The following ATXN2 variants were observed in gnomAD, a reference collection of about 807,000 sequenced individuals.
The protein encoded by ATXN2 is ataxin 2.
In ATXN2, 37 loss-of-function variants were observed where a neutral mutation model predicts 138.6. The ratio of observed to expected loss-of-function variants is 0.27; its 90% CI spans 0.21 to 0.35. The LOEUF is 0.35. Among genes scored for constraint, ATXN2 ranks in the 10% least tolerant of loss-of-function variants. The pLI, the probability that ATXN2 is intolerant of heterozygous loss-of-function variation, is 1.00. For missense variants in ATXN2, 1,216 were observed against 1,480.3 expected (o/e 0.82, Z 2.93); for synonymous variants, 549 against 543.7 (o/e 1.01, Z -0.13).
intron 14 of ATXN2, among the ~76,000 whole-genome samples, chr12:111,508,509 T>C (rs948400498): frequency 3.6e-5 from 5 of 140,670 alleles, no homozygotes; most frequent in Non-Finnish European, 7.6e-5. Context: ...TGGAGTGGTG[T>C]GATCTCGGCT....
At chr12:111,592,233 T>C (rs1371634216) in intron 1 of ATXN2, among the ~76,000 whole-genome samples, 2 of 151,202 alleles carry the variant, frequency 1.3e-5, no homozygotes, top group East Asian at 2.0e-4. Flanking sequence ...CTACTAAAAA[T>C]GCAAAACTTA....
intron 5 of ATXN2, among the ~76,000 whole-genome samples, chr12:111,536,387 C>T (rs1881177367): frequency 6.6e-6 from 1 of 152,062 alleles, no homozygotes; most frequent in Non-Finnish European, 1.5e-5. Flanking sequence ...AAAAAATCTA[C>T]AGTGAGATAC....
chr12:111,590,024 ACATGGTGAAACCC>A (rs1884574542), intron 1 of ATXN2, among the ~76,000 whole-genome samples: 1 of 151,336 alleles, frequency 6.6e-6, no homozygotes, highest in Admixed American at 6.6e-5. Flanking sequence ...AGCCTGGCCA[ACATGGTGAAACCC>A]CATCTCTACT....
chr12:111,503,879 C>T (rs771671274), intron 14 of ATXN2, among the ~76,000 whole-genome samples: 13 of 152,130 alleles, frequency 8.5e-5, no homozygotes, highest in Non-Finnish European at 1.9e-4. Context: ...TATCAGCCAC[C>T]GTGCCCGGCC....
intron 5 of ATXN2, among the ~76,000 whole-genome samples, chr12:111,527,870 A>G (rs1288051438): frequency 4.6e-5 from 7 of 152,212 alleles, no homozygotes; most frequent in Non-Finnish European, 8.8e-5. Context: ...TCTCTACATT[A>G]TCTTAAAGTT....
At position 111,599,231 on chromosome 12, in the gene ATXN2, A is replaced by G; in HGVS notation, c.-197T>C. ...GGGGCGGGGAGGCCCGCCGAGACCA[A>G]GGAGCCGCCGGGAGCCGGGCCGAAA... On this transcript the variant is annotated 5_prime_UTR_variant, in exon 1 of 25. Coordinates refer to ENST00000673436, the MANE Select transcript of ATXN2 (RefSeq NM_001372574.1). 8.4e-7 allele frequency: 1 copy of G among 1,191,310 alleles called. No homozygotes were observed. The highest frequency in any genetic ancestry group is 1.0e-6 in the Non-Finnish European group (1 of 965,134). The allele number at this position is 1,191,310 out of a possible 1,614,324, so 73.8% of individuals were successfully genotyped here. A position where few individuals can be genotyped will look rare whatever the true frequency, so the allele number is the denominator to read the frequency against.
chr12:111,533,670 T>G (rs1429844819), intron 5 of ATXN2, among the ~76,000 whole-genome samples: 2 of 152,100 alleles, frequency 1.3e-5, no homozygotes, highest in African/African-American at 4.8e-5. Flanking sequence ...GGATTACACA[T>G]GTGCACTACC....
chr12:111,535,204 C>T (rs1466348910), intron 5 of ATXN2, among the ~76,000 whole-genome samples: 1 of 152,108 alleles, frequency 6.6e-6, no homozygotes, highest in Non-Finnish European at 1.5e-5. Flanking sequence ...TAAAAACAAA[C>T]CACAATGAGC....
chr12:111,463,471 T>C (rs368749858), intron 21 of ATXN2, among the ~76,000 whole-genome samples: 1 of 152,208 alleles, frequency 6.6e-6, no homozygotes, highest in African/African-American at 2.4e-5. Flanking sequence ...GAGATAGGGT[T>C]TCACCATGTT....
intron 1 of ATXN2, among the ~76,000 whole-genome samples, chr12:111,564,620 T>A (rs990312004): frequency 2.0e-5 from 3 of 147,620 alleles, no homozygotes; most frequent in African/African-American, 7.4e-5. Context: ...GCAACAGCAA[T>A]ACAACAATTA....
At chr12:111,493,453 T>C in intron 14 of ATXN2, among the ~76,000 whole-genome samples, 1 of 146,332 alleles carries the variant, frequency 6.8e-6, no homozygotes, top group East Asian at 2.0e-4. Flanking sequence ...TTCTTCAATC[T>C]GCAAGAAAAG....
intron 23 of ATXN2, chr12:111,455,080 G>A (rs987081508): frequency 2.1e-5 from 15 of 702,976 alleles, no homozygotes; most frequent in East Asian, 5.4e-5. Context: ...CAACTGAGTC[G>A]CATCTCTAGC....
intron 6 of ATXN2, among the ~76,000 whole-genome samples, chr12:111,524,480 G>A (rs1880370099): frequency 6.6e-6 from 1 of 151,994 alleles, no homozygotes; most frequent in Admixed American, 6.6e-5. Flanking sequence ...TTATTTCTTA[G>A]AGAAGGGGTC....
intron 1 of ATXN2, among the ~76,000 whole-genome samples, chr12:111,597,174 A>T (rs774497542): frequency 2.0e-5 from 3 of 151,990 alleles, no homozygotes; most frequent in Non-Finnish European, 4.4e-5. Context: ...CGGGGCGTGT[A>T]AAGTCAAATA....
intron 21 of ATXN2, among the ~76,000 whole-genome samples, chr12:111,463,602 A>G (rs747774420): frequency 3.3e-5 from 5 of 152,034 alleles, no homozygotes; most frequent in Non-Finnish European, 7.4e-5. Context: ...TGCCCTACAA[A>G]TAGGAAAAAT....
At chr12:111,523,094 C>T (rs564666850) in intron 6 of ATXN2, among the ~76,000 whole-genome samples, 55 of 151,406 alleles carry the variant, frequency 3.6e-4, no homozygotes, top group African/African-American at 1.3e-3. Flanking sequence ...GCCTGACAAA[C>T]ATGGTGAAAC....
In ATXN2 at chr12:111,490,212, T is replaced by TA. The variant is rs77519297; in HGVS notation, c.1936-1433dup. 4.6e-3 allele frequency among the ~76,000 whole-genome samples: 550 copies of TA among 120,456 alleles called. 2 individuals carry two copies. The highest frequency in any genetic ancestry group is 0.011 in the South Asian group (42 of 3,768). The allele number at this position is 120,456 out of a possible 152,430, so 79.0% of individuals were successfully genotyped here. A position where few individuals can be genotyped will look rare whatever the true frequency, so the allele number is the denominator to read the frequency against. On this transcript the variant is annotated intron_variant, in intron 14 of 24. Transcript: ENST00000673436. The stretch of plus-strand genomic sequence containing the variant: ...ACAGAGCAAGACTCCATCTAAAAAT[T>TA]AAAAAAAAAAAAAAAAAAGTTTTAA...
chr12:111,593,419 T>C (rs557067244), intron 1 of ATXN2, among the ~76,000 whole-genome samples: 1 of 152,030 alleles, frequency 6.6e-6, no homozygotes, highest in South Asian at 2.1e-4. Context: ...TAAGTCAAAA[T>C]ATATGGCTAT....
intron 5 of ATXN2, among the ~76,000 whole-genome samples, chr12:111,545,075 C>T (rs1452764228): frequency 1.3e-5 from 2 of 151,506 alleles, no homozygotes; most frequent in Non-Finnish European, 2.9e-5. Context: ...AGGAGAATGG[C>T]GTGAACCCGG....
Sources: gnomAD v4.1 joint callset for allele counts (sites outside exome capture counted in the v4.1 genomes callset) on GRCh38, gnomAD v4.1.1 for gene constraint, MANE v1.5 for transcripts, NCBI Gene and HGNC (gene_info 2026-07-23, HGNC 2026-07-21) for gene names.